PPP2R5E: variants seen among roughly 807,000 people sequenced by gnomAD.
The protein encoded by PPP2R5E is protein phosphatase 2 regulatory subunit B'epsilon, also known as serine/threonine-protein phosphatase 2A 56 kDa regulatory subunit epsilon isoform.
Under a neutral mutation model 65.3 loss-of-function variants are expected in PPP2R5E, and 4 were observed. The observed-to-expected ratio is 0.06, with a 90% CI of 0.03 to 0.14. The LOEUF (loss-of-function observed/expected upper bound fraction) is 0.14. Ranked by LOEUF, PPP2R5E falls within the 10% of genes least tolerant of loss-of-function variation. The pLI, the probability that PPP2R5E is intolerant of heterozygous loss-of-function variation, is 1.00. For missense variants in PPP2R5E, 274 were observed against 556.1 expected, an observed-to-expected ratio of 0.49 and a Z score of 5.10; for synonymous variants, 183 against 187.4, an observed-to-expected ratio of 0.98 and a Z score of 0.19.
intron 3 of PPP2R5E, among the ~76,000 whole-genome samples, chr14:63,437,958 TCTCTA>T (rs1297999928): frequency 3.3e-5 from 5 of 152,094 alleles, no homozygotes; most frequent in Non-Finnish European, 7.4e-5. Context: ...CCCTCACCTC[TCTCTA>T]CTCATCACAG....
At chr14:63,376,933 C>T (rs994328575) in intron 13 of PPP2R5E, among the ~76,000 whole-genome samples, 5 of 151,806 alleles carry the variant, frequency 3.3e-5, no homozygotes, top group African/African-American at 7.3e-5. Flanking sequence ...TTTGGGAGGC[C>T]GAGGCGGGTG....
intron 2 of PPP2R5E, among the ~76,000 whole-genome samples, chr14:63,530,254 CG>C: frequency 1.1e-5 from 1 of 88,542 alleles, no homozygotes; most frequent in Non-Finnish European, 2.1e-5. Flanking sequence ...TTTTTTGAGA[CG>C]GAGTTTTGCT....
chr14:63,381,936 T>C (rs1343378002), intron 13 of PPP2R5E, 120 bp downstream of exon 13: 2 of 703,362 alleles, frequency 2.8e-6, no homozygotes, highest in Non-Finnish European at 4.7e-6. Context: ...AAGTAATGCA[T>C]GACTGTAAAC....
In PPP2R5E at chr14:63,523,575, A is replaced by G. The variant is rs1350774922; in HGVS notation, c.157+15954T>C. Among the ~76,000 whole-genome samples, 3 of 148,632 alleles carry G rather than the reference A, an allele frequency of 2.0e-5. No individual in the cohort carries two copies. The South Asian group carries it at 6.4e-4, about 32-fold the overall frequency. The stretch of plus-strand genomic sequence containing the variant: ...TACCCAGGGACACAAACACTGCGGA[A>G]GGCCGCAGGGTCCTCCGCCTAGGAA... On this transcript the variant is annotated intron_variant, in intron 2 of 13. Coordinates refer to ENST00000337537, the MANE Select transcript of PPP2R5E (RefSeq NM_006246.5).
At chr14:63,394,934 T>C (rs895784203) in intron 7 of PPP2R5E, among the ~76,000 whole-genome samples, 2 of 152,256 alleles carry the variant, frequency 1.3e-5, no homozygotes, top group Admixed American at 6.5e-5. Flanking sequence ...GAGAATAAGA[T>C]GTTTTGGAGT....
At chr14:63,439,411 G>A (rs1331881722) in intron 3 of PPP2R5E, among the ~76,000 whole-genome samples, 1 of 150,082 alleles carries the variant, frequency 6.7e-6, no homozygotes, top group Admixed American at 6.6e-5. Flanking sequence ...TTTTGCTCTT[G>A]TTGCCCAGGC....
chr14:63,458,572 A>G (rs1889273913), intron 2 of PPP2R5E, among the ~76,000 whole-genome samples: 1 of 152,160 alleles, frequency 6.6e-6, no homozygotes, highest in Non-Finnish European at 1.5e-5. Context: ...CTACATCATT[A>G]TATTTATTAC....
At chr14:63,447,026 G>C (rs1888518496) in intron 3 of PPP2R5E, among the ~76,000 whole-genome samples, 1 of 152,146 alleles carries the variant, frequency 6.6e-6, no homozygotes, top group Non-Finnish European at 1.5e-5. Context: ...CAGAAGTGTT[G>C]TCATCTAGGC....
chr14:63,392,172 T>C (rs150629454), intron 8 of PPP2R5E, 147 bp from the exon 9 acceptor site: 40 of 575,510 alleles, frequency 7.0e-5, no homozygotes, highest in African/African-American at 5.4e-4. Flanking sequence ...AAAATCTATA[T>C]AAAGTAAAAT....
At chr14:63,517,005 T>C (rs1446422079) in intron 2 of PPP2R5E, among the ~76,000 whole-genome samples, 2 of 152,152 alleles carry the variant, frequency 1.3e-5, no homozygotes, top group Non-Finnish European at 2.9e-5. Flanking sequence ...TCCCTAAACG[T>C]AGCATACAAA....
At chr14:63,527,349 CT>C (rs1893222424) in intron 2 of PPP2R5E, among the ~76,000 whole-genome samples, 1 of 152,170 alleles carries the variant, frequency 6.6e-6, no homozygotes, top group African/African-American at 2.4e-5. Context: ...CTAGTTTCTC[CT>C]TTTTGCTTTA....
chr14:63,472,276 G>A (rs1890174739), intron 2 of PPP2R5E, among the ~76,000 whole-genome samples: 1 of 152,076 alleles, frequency 6.6e-6, no homozygotes, highest in South Asian at 2.1e-4. Context: ...CTCCAGCCTG[G>A]GTGACAAGAG....
At chr14:63,448,321 T>A (rs1219932237) in intron 3 of PPP2R5E, among the ~76,000 whole-genome samples, 1 of 151,808 alleles carries the variant, frequency 6.6e-6, no homozygotes, top group African/African-American at 2.4e-5. Flanking sequence ...AAATAAATAA[T>A]TTTTAAAAAG....
At chr14:63,381,267 T>G (rs1440958350) in intron 13 of PPP2R5E, among the ~76,000 whole-genome samples, 1 of 152,240 alleles carries the variant, frequency 6.6e-6, no homozygotes, top group Admixed American at 6.5e-5. Context: ...TTCATGTTCT[T>G]TTCACTGATC....
intron 5 of PPP2R5E, among the ~76,000 whole-genome samples, chr14:63,406,193 C>G (rs1233764387): frequency 6.6e-6 from 1 of 151,990 alleles, no homozygotes; most frequent in Non-Finnish European, 1.5e-5. Context: ...GGGCAGATCA[C>G]GAGGTCAGGA....
intron 2 of PPP2R5E, among the ~76,000 whole-genome samples, chr14:63,510,605 G>T (rs749194819): frequency 6.6e-6 from 1 of 152,210 alleles, no homozygotes; most frequent in East Asian, 1.9e-4. Flanking sequence ...CTGAGTATCC[G>T]GTAGAGAAAA....
rs922865649 is a variant in PPP2R5E at position 63,531,212 on chromosome 14, C to A, written c.157+8317G>T. On this transcript the variant is annotated intron_variant, in intron 2 of 13. Transcript: ENST00000337537. ...AAAAAATAACATATGTATACATGTG[C>A]CATGTTGGTGTGCTGCACCCATTAA... 3.3e-5 allele frequency among the ~76,000 whole-genome samples: 5 copies of A among 152,240 alleles called. No individual in the cohort carries two copies. In the South Asian group the frequency reaches 1.0e-3, roughly 32 times the overall value.
At chr14:63,507,575 CTT>C (rs756154248) in intron 2 of PPP2R5E, among the ~76,000 whole-genome samples, 10,647 of 104,408 alleles carry the variant, frequency 0.1, 201 homozygotes, top group African/African-American at 0.14. Flanking sequence ...GGGTAATTCT[CTT>C]TTTTTTTTTT....
At position 63,381,325 on chromosome 14, in the gene PPP2R5E, G is replaced by A. The variant is rs117440925; in HGVS notation, c.1304+731C>T. Reference sequence around the variant, plus strand: ...GGGTTCTAGTAAGTCCTGGGCCCAAGAGCTAGATAAATGGTGCCTCATTCC... The same window carrying A: ...GGGTTCTAGTAAGTCCTGGGCCCAAAAGCTAGATAAATGGTGCCTCATTCC... On this transcript the variant is annotated intron_variant, in intron 13 of 13. Transcript: ENST00000337537. Among the ~76,000 whole-genome samples the A allele has an allele frequency of 4.0e-4, 61 of 152,214 alleles. No individual in the cohort carries two copies. The East Asian group carries it at 0.01, about 26-fold the overall frequency.
Sources: allele counts gnomAD v4.1 joint callset (sites outside exome capture counted in the v4.1 genomes callset), GRCh38; gene constraint gnomAD v4.1.1; transcripts MANE v1.5; gene names NCBI Gene and HGNC (gene_info 2026-07-23, HGNC 2026-07-21).